SNTG1: variants seen among roughly 807,000 people sequenced by gnomAD.
SNTG1 encodes the protein syntrophin gamma 1.
A neutral mutation model predicts 74.7 loss-of-function variants in SNTG1; 39 were observed. The observed-to-expected ratio is 0.52, with a 90% confidence interval of 0.40 to 0.68. The LOEUF is 0.68. Ranked by LOEUF, SNTG1 falls within the 30% of genes least tolerant of loss-of-function variation. SNTG1 has a pLI of 0.00. For missense variants in SNTG1, 685 were observed against 609.5 expected, an observed-to-expected ratio of 1.12 and a Z score of -1.30; for synonymous variants, 254 against 217.1, an observed-to-expected ratio of 1.17 and a Z score of -1.49.
At chr8:50,141,290 A>C (rs995742626) in intron 1 of SNTG1, among the ~76,000 whole-genome samples, 2 of 152,178 alleles carry the variant, frequency 1.3e-5, no homozygotes, top group African/African-American at 4.8e-5. Context: ...ATACCTCTGA[A>C]TGCCCACCAG....
At chr8:50,127,504 G>A (rs911342738) in intron 1 of SNTG1, among the ~76,000 whole-genome samples, 2 of 152,080 alleles carry the variant, frequency 1.3e-5, no homozygotes, top group African/African-American at 4.8e-5. Context: ...AGAGGGACTG[G>A]AACAGAAGTC....
Position 49,993,244 on chromosome 8 carries a change from G to T in SNTG1, c.-103+81013G>T, listed in dbSNP as rs145051556. Among the ~76,000 whole-genome samples, 87 of 152,170 alleles carry T rather than the reference G, an allele frequency of 5.7e-4. No individual in the cohort carries two copies. In the East Asian group the frequency reaches 0.012, roughly 21 times the overall value. ...CCCAGAGTGAGGTCAGGGCCAAAGC[G>T]GGAGGGGGGCACTTTACAAGGTTCT... On this transcript the variant is annotated intron_variant, in intron 1 of 18. Coordinates refer to ENST00000642720, the MANE Select transcript of SNTG1 (RefSeq NM_018967.5).
At chr8:50,539,598 C>G (rs1400468814) in intron 11 of SNTG1, among the ~76,000 whole-genome samples, 5 of 152,136 alleles carry the variant, frequency 3.3e-5, no homozygotes, top group Non-Finnish European at 7.4e-5. Context: ...CCTTGCTGGG[C>G]CACACCTGTC....
At chr8:50,461,970 CAT>C (rs1209849528) in intron 8 of SNTG1, among the ~76,000 whole-genome samples, 4 of 152,076 alleles carry the variant, frequency 2.6e-5, no homozygotes, top group African/African-American at 7.2e-5. Flanking sequence ...TTCATATACA[CAT>C]AGAGGCATAC....
Position 50,196,026 on chromosome 8 carries a change from C to G in SNTG1, c.-28+23391C>G, listed in dbSNP as rs573546466. Among the ~76,000 whole-genome samples, 12 of 152,242 alleles carry G rather than the reference C, an allele frequency of 7.9e-5. No homozygotes were observed. In the South Asian group the frequency reaches 2.3e-3, roughly 29 times the overall value. Reference sequence around the variant, plus strand: ...TATCCATCCAAACATATGAAAGTGGCTTAACTGGAGTAAATTTCAGGAATT... The same window carrying G: ...TATCCATCCAAACATATGAAAGTGGGTTAACTGGAGTAAATTTCAGGAATT... On this transcript the variant is annotated intron_variant, in intron 2 of 18. Transcript: ENST00000642720.
intron 1 of SNTG1, among the ~76,000 whole-genome samples, chr8:50,060,305 T>C (rs1820363604): frequency 6.6e-6 from 1 of 152,104 alleles, no homozygotes. Flanking sequence ...TTTTTTCTCA[T>C]TCTATGGCTT....
intron 2 of SNTG1, among the ~76,000 whole-genome samples, chr8:50,237,274 T>C (rs1020820997): frequency 2.0e-5 from 3 of 152,178 alleles, no homozygotes; most frequent in African/African-American, 7.2e-5. Context: ...ACTGTCTATA[T>C]ATTTCCTGCT....
intron 18 of SNTG1, among the ~76,000 whole-genome samples, chr8:50,757,027 T>A (rs1194860770): frequency 4.6e-5 from 7 of 151,810 alleles, no homozygotes; most frequent in African/African-American, 1.7e-4. Context: ...GAGAATATCT[T>A]TCCCTTTTTT....
intron 1 of SNTG1, among the ~76,000 whole-genome samples, chr8:50,104,202 TG>T (rs1351189970): frequency 6.6e-6 from 1 of 152,198 alleles, no homozygotes; most frequent in Non-Finnish European, 1.5e-5. Context: ...GGACTCTTTT[TG>T]GTTGGTAAGC....
At chr8:50,689,146 T>C (rs1468542799) in intron 15 of SNTG1, among the ~76,000 whole-genome samples, 13 of 151,248 alleles carry the variant, frequency 8.6e-5, no homozygotes, top group Admixed American at 2.6e-4. Flanking sequence ...TAAGGAGATT[T>C]TGGGCTGAGA....
At chr8:50,520,000 A>G (rs2094166035) in intron 9 of SNTG1, among the ~76,000 whole-genome samples, 1 of 152,232 alleles carries the variant, frequency 6.6e-6, no homozygotes, top group Non-Finnish European at 1.5e-5. Flanking sequence ...CTAAGCAAAA[A>G]GAACAAAACT....
At chr8:49,975,388 A>C (rs1016235626) in intron 1 of SNTG1, among the ~76,000 whole-genome samples, 1 of 152,166 alleles carries the variant, frequency 6.6e-6, no homozygotes, top group Non-Finnish European at 1.5e-5. Context: ...GATGTTGGTG[A>C]TATGATACAA....
rs533361692 is a variant in SNTG1 at position 50,666,974 on chromosome 8, T to C, written c.1038+8311T>C. On this transcript the variant is annotated intron_variant, in intron 15 of 18. Coordinates refer to ENST00000642720, the MANE Select transcript of SNTG1 (RefSeq NM_018967.5). ...GCTAAATCTAATATTATTATTTCTT[T>C]TATCGCAACTGCTTGCATTTTAATA... 2.1e-4 allele frequency among the ~76,000 whole-genome samples: 32 copies of C among 152,074 alleles called. 1 individual carries two copies. The highest frequency in any genetic ancestry group is 7.0e-4 in the African/African-American group (29 of 41,534).
At chr8:50,228,600 C>G (rs946965622) in intron 2 of SNTG1, among the ~76,000 whole-genome samples, 1 of 151,598 alleles carries the variant, frequency 6.6e-6, no homozygotes, top group African/African-American at 2.4e-5. Context: ...AAAAACCAAC[C>G]CAGCCAGAAA....
At chr8:50,705,196 A>C (rs368032092) in intron 16 of SNTG1, among the ~76,000 whole-genome samples, 1 of 152,188 alleles carries the variant, frequency 6.6e-6, no homozygotes, top group Non-Finnish European at 1.5e-5. Context: ...ATCAAAGGTC[A>C]TATCATCCAG....
intron 18 of SNTG1, among the ~76,000 whole-genome samples, chr8:50,762,143 C>T (rs1048936602): frequency 1.3e-5 from 2 of 151,958 alleles, no homozygotes; most frequent in African/African-American, 4.8e-5. Context: ...AATATACTCA[C>T]ATAACCAGTT....
upstream of SNTG1, among the ~76,000 whole-genome samples, chr8:49,910,637 C>T (rs985535625): frequency 1.3e-5 from 2 of 152,092 alleles, no homozygotes; most frequent in Non-Finnish European, 1.5e-5. Context: ...TCTTTATGCT[C>T]GTTGTCAGCC....
Position 50,592,617 on chromosome 8 carries a change from A to AACACTATAATATTCTG in SNTG1, c.849+1705_849+1720dup, listed in dbSNP as rs1267910882. Among the ~76,000 whole-genome samples the AACACTATAATATTCTG allele has an allele frequency of 2.0e-5, 3 of 152,206 alleles. No homozygotes were observed. In the East Asian group the frequency reaches 5.8e-4, roughly 29 times the overall value. ...CAAGTAATAAAAACTTTAATATTCTAACACTATAATATTCTGACACATACT... is the reference window on the plus strand; with the variant it reads ...CAAGTAATAAAAACTTTAATATTCTAACACTATAATATTCTGACACTATAATATTCTGACACATACT... On this transcript the variant is annotated intron_variant, in intron 13 of 18. Transcript: ENST00000642720.
At chr8:50,784,029 G>T (rs560431613) in intron 18 of SNTG1, among the ~76,000 whole-genome samples, 28 of 152,286 alleles carry the variant, frequency 1.8e-4, no homozygotes, top group African/African-American at 6.3e-4. Flanking sequence ...CCAGATAGGG[G>T]TAGAATTTCA....
Sources: gnomAD v4.1 joint callset for allele counts (sites outside exome capture counted in the v4.1 genomes callset) on GRCh38, gnomAD v4.1.1 for gene constraint, MANE v1.5 for transcripts, NCBI Gene and HGNC (gene_info 2026-07-23, HGNC 2026-07-21) for gene names.